Variants in NDUFA5 observed in about 807,000 individuals in gnomAD.
NDUFA5 encodes NADH:ubiquinone oxidoreductase subunit A5.
A neutral mutation model predicts 19.8 loss-of-function variants in NDUFA5; 11 were observed. The observed-to-expected ratio is 0.56, with a 90% confidence interval of 0.35 to 0.92. The LOEUF (loss-of-function observed/expected upper bound fraction) is 0.92. NDUFA5 is among the 40% of genes least tolerant of loss of function. NDUFA5 has a pLI of 0.01. For missense variants in NDUFA5, 109 were observed against 134.2 expected (o/e 0.81, Z 0.93); for synonymous variants, 47 against 46.8 (o/e 1.00, Z -0.01).
the NDUFA5 span, among the ~76,000 whole-genome samples, chr7:123,562,967 T>C: frequency 6.6e-6 from 1 of 151,764 alleles, no homozygotes; most frequent in Non-Finnish European, 1.5e-5. Flanking sequence ...CAGCTAATTT[T>C]TTTTTGTATT....
At chr7:123,571,316 A>C in the NDUFA5 span, among the ~76,000 whole-genome samples, 1,118 of 152,318 alleles carry the variant, frequency 7.3e-3, 14 homozygotes, top group African/African-American at 0.026. Flanking sequence ...GTGGTTTTTA[A>C]TTGCATTTAA....
At chr7:123,576,690 G>A in the NDUFA5 span, among the ~76,000 whole-genome samples, 8 of 152,152 alleles carry the variant, frequency 5.3e-5, no homozygotes, top group East Asian at 7.7e-4. Context: ...GTTCCTGCAC[G>A]GAATGCTGCA....
At chr7:123,556,762 G>T (rs764336397) in intron 2 of NDUFA5, 8 of 457,144 alleles carry the variant, frequency 1.7e-5, no homozygotes, top group Middle Eastern at 3.6e-4. Flanking sequence ...GTCAATGAAG[G>T]TGAGAAATAT....
At chr7:123,557,649 G>C (rs1798612640) in intron 1 of NDUFA5, 126 bp downstream of exon 1, 1 of 1,613,800 alleles carries the variant, frequency 6.2e-7, no homozygotes, top group Admixed American at 1.7e-5. Context: ...AAGGCATGCA[G>C]AACGAGTCCC....
At chr7:123,545,499 A>G in intron 4 of NDUFA5, 112 bp downstream of exon 4, 1 of 791,228 alleles carries the variant, frequency 1.3e-6, no homozygotes, top group Non-Finnish European at 2.2e-6. Flanking sequence ...GATTAGTCTT[A>G]CATATTTGAC....
chr7:123,589,523 C>G, the NDUFA5 span, among the ~76,000 whole-genome samples: 1 of 151,858 alleles, frequency 6.6e-6, no homozygotes, highest in Non-Finnish European at 1.5e-5. Context: ...CTCTCTGTCC[C>G]TGTGTTCTCA....
At chr7:123,592,868 G>A in the NDUFA5 span, among the ~76,000 whole-genome samples, 35 of 151,758 alleles carry the variant, frequency 2.3e-4, no homozygotes, top group African/African-American at 7.8e-4. Context: ...TTGACAGTGC[G>A]GTATTAAAGT....
chr7:123,549,339 T>A (rs555508957), intron 3 of NDUFA5, among the ~76,000 whole-genome samples: 1 of 152,198 alleles, frequency 6.6e-6, no homozygotes, highest in African/African-American at 2.4e-5. Flanking sequence ...AGTATGAGAG[T>A]AAACTCTTCT....
At chr7:123,593,672 T>C in the NDUFA5 span, among the ~76,000 whole-genome samples, 5 of 152,352 alleles carry the variant, frequency 3.3e-5, no homozygotes, top group Non-Finnish European at 7.3e-5. Context: ...GGCTTCTCTT[T>C]GTGGGTAACC....
intron 2 of NDUFA5, chr7:123,551,635 G>T: frequency 2.6e-6 from 1 of 386,252 alleles, no homozygotes; most frequent in Non-Finnish European, 3.5e-6. Flanking sequence ...ACTAAATACG[G>T]TCATAATACT....
the NDUFA5 span, among the ~76,000 whole-genome samples, chr7:123,583,368 T>C: frequency 6.6e-6 from 1 of 151,976 alleles, no homozygotes; most frequent in African/African-American, 2.4e-5. Context: ...AACGGGAAAC[T>C]GGAATTGATA....
chr7:123,551,650 T>C (rs1798345709), intron 2 of NDUFA5: 3 of 334,034 alleles, frequency 9.0e-6, no homozygotes, highest in South Asian at 1.2e-4. Flanking sequence ...AATACTTCAG[T>C]GTTCTTGCTT....
In NDUFA5 at chr7:123,541,357, G is replaced by A. The variant is rs1219657111; in HGVS notation, c.*762C>T. The A allele has an allele frequency of 1.3e-5, 2 of 152,050 alleles. No homozygotes were observed. The highest frequency in any genetic ancestry group is 2.9e-5 in the Non-Finnish European group (2 of 67,998). The allele number at this position is 152,050 out of a possible 1,614,324, so 9.4% of individuals were successfully genotyped here. ...ACTAACTTCCACAAATGCAACAAAA[G>A]GAAAATTTCTCCAATAACCTGTATG... On this transcript the variant is annotated 3_prime_UTR_variant, in exon 5 of 5. Coordinates refer to ENST00000355749, the MANE Select transcript of NDUFA5 (RefSeq NM_005000.5).
chr7:123,595,823 C>T, the NDUFA5 span, among the ~76,000 whole-genome samples: 1 of 152,170 alleles, frequency 6.6e-6, no homozygotes, highest in Non-Finnish European at 1.5e-5. Context: ...TTTGTCTACA[C>T]TGTGGGTGAA....
At chr7:123,554,263 TAATTA>T (rs1306971874) in intron 2 of NDUFA5, among the ~76,000 whole-genome samples, 2 of 152,174 alleles carry the variant, frequency 1.3e-5, no homozygotes, top group African/African-American at 4.8e-5. Flanking sequence ...GTAAATAAAA[TAATTA>T]AATTTTACCT....
chr7:123,569,160 G>A, the NDUFA5 span, among the ~76,000 whole-genome samples: 15 of 152,130 alleles, frequency 9.9e-5, no homozygotes, highest in African/African-American at 1.9e-4. Context: ...TAGACTGGCC[G>A]TTCTCAACCA....
chr7:123,591,197 G>A, the NDUFA5 span, among the ~76,000 whole-genome samples: 1 of 151,906 alleles, frequency 6.6e-6, no homozygotes, highest in Admixed American at 6.5e-5. Context: ...AGGAGATTTT[G>A]GGCTGAGACA....
chr7:123,588,363 TA>T, the NDUFA5 span, among the ~76,000 whole-genome samples: 11 of 151,688 alleles, frequency 7.3e-5, no homozygotes, highest in African/African-American at 2.2e-4. Flanking sequence ...TCTGTATTTT[TA>T]TATATGTGAT....
the NDUFA5 span, among the ~76,000 whole-genome samples, chr7:123,598,213 G>T: frequency 2.0e-5 from 3 of 151,980 alleles, no homozygotes; most frequent in Non-Finnish European, 4.4e-5. Flanking sequence ...TTTATATCTA[G>T]ACTATAAGTC....
Sources: allele counts gnomAD v4.1 joint callset (sites outside exome capture counted in the v4.1 genomes callset), GRCh38; gene constraint gnomAD v4.1.1; transcripts MANE v1.5; gene names NCBI Gene and HGNC (gene_info 2026-07-23, HGNC 2026-07-21).